ITGA8: variants seen among roughly 807,000 people sequenced by gnomAD.
ITGA8 encodes the protein integrin alpha-8.
Under a neutral mutation model 142.3 loss-of-function variants are expected in ITGA8, and 91 were observed. The observed-to-expected ratio is 0.64, with a 90% CI of 0.54 to 0.76. The LOEUF (loss-of-function observed/expected upper bound fraction) is 0.76. Among genes scored for constraint, ITGA8 ranks in the 30% least tolerant of loss-of-function variants. The pLI is 0.00. For synonymous variants in ITGA8, 505 were observed against 485.2 expected (o/e 1.04, Z -0.54); for missense variants, 1,406 against 1,327.7 (o/e 1.06, Z -0.92).
chr10:15,565,475 T>G (rs190320119), intron 25 of ITGA8, among the ~76,000 whole-genome samples: 2 of 151,628 alleles, frequency 1.3e-5, no homozygotes, highest in East Asian at 3.9e-4. Context: ...GGACATAAAT[T>G]ACGGTTCCTG....
chr10:15,544,018 G>A (rs1833623269), intron 27 of ITGA8, among the ~76,000 whole-genome samples: 1 of 152,222 alleles, frequency 6.6e-6, no homozygotes, highest in African/African-American at 2.4e-5. Flanking sequence ...GGAGGGGCCA[G>A]GCCTGGTGGT....
intron 25 of ITGA8, among the ~76,000 whole-genome samples, chr10:15,564,189 T>A (rs779272450): frequency 1.1e-4 from 17 of 152,180 alleles, no homozygotes; most frequent in South Asian, 4.1e-4. Context: ...AACACCATAG[T>A]CAAAAGATCT....
intron 2 of ITGA8, among the ~76,000 whole-genome samples, chr10:15,696,624 G>C (rs985124433): frequency 6.6e-6 from 1 of 152,054 alleles, no homozygotes; most frequent in Admixed American, 6.6e-5. Flanking sequence ...CTGAAGTTTG[G>C]AACAGCCATT....
intron 20 of ITGA8, among the ~76,000 whole-genome samples, chr10:15,603,153 G>C (rs1427919369): frequency 1.3e-5 from 2 of 151,716 alleles, no homozygotes; most frequent in East Asian, 3.9e-4. Flanking sequence ...TAAGAAGATC[G>C]TTCAACTAAA....
chr10:15,547,890 T>A (rs1055154294), intron 27 of ITGA8, among the ~76,000 whole-genome samples: 3 of 152,198 alleles, frequency 2.0e-5, no homozygotes, highest in Non-Finnish European at 4.4e-5. Context: ...ACTGGGTATA[T>A]AACAGTGGAC....
At chr10:15,609,370 A>T (rs1833252005) in intron 15 of ITGA8, among the ~76,000 whole-genome samples, 1 of 152,232 alleles carries the variant, frequency 6.6e-6, no homozygotes, top group Non-Finnish European at 1.5e-5. Flanking sequence ...TTTCTACAGA[A>T]TTCAAAGGGA....
At chr10:15,528,549 G>A (rs1462206823) in intron 28 of ITGA8, among the ~76,000 whole-genome samples, 2 of 145,668 alleles carry the variant, frequency 1.4e-5, no homozygotes, top group Non-Finnish European at 3.0e-5. Context: ...AGGGGTGGCA[G>A]GGCTGGGGAA....
At chr10:15,622,043 A>G (rs1459314936) in intron 13 of ITGA8, among the ~76,000 whole-genome samples, 5 of 152,182 alleles carry the variant, frequency 3.3e-5, no homozygotes, top group Admixed American at 6.5e-5. Flanking sequence ...CTGTAATCCC[A>G]GGTACTTGGG....
intron 13 of ITGA8, among the ~76,000 whole-genome samples, chr10:15,630,537 T>C (rs1833665669): frequency 6.6e-6 from 1 of 151,948 alleles, no homozygotes; most frequent in African/African-American, 2.4e-5. Flanking sequence ...AGATCATTGT[T>C]TTCAGGGGAA....
At position 15,606,311 on chromosome 10, in the gene ITGA8, A is replaced by G. The variant is rs745991898; in HGVS notation, c.1876T>C (p.Tyr626His). ...GLEVKPILNYYRENIVSEQAH... is the reference protein window; with the variant it reads ...GLEVKPILNYHRENIVSEQAH... ...TGTTCACTAACAATGTTTTCTCTGT[A>G]GTAGTTCAATATTGGTTTCACTTCC... Residue 626 changes from tyrosine (Y) to histidine (H), a missense_variant, in exon 18 of 30, where the codon TAC (tyrosine) becomes CAC (histidine). Transcript: ENST00000378076. 2.5e-5 allele frequency: 40 copies of G among 1,611,652 alleles called. No homozygotes were observed. Among genetic ancestry groups the G allele is most frequent in the Non-Finnish European group, 3.2e-5 (38 of 1,177,996 alleles).
At chr10:15,678,841 A>G in intron 4 of ITGA8, 58 bp from the exon 5 acceptor site, 1 of 1,096,062 alleles carries the variant, frequency 9.1e-7, no homozygotes, top group Middle Eastern at 2.1e-4. Flanking sequence ...ATATTTTTTA[A>G]TAACCAATTC....
intron 8 of ITGA8, among the ~76,000 whole-genome samples, chr10:15,669,153 C>G (rs1174936938): frequency 6.6e-6 from 1 of 152,210 alleles, no homozygotes; most frequent in Non-Finnish European, 1.5e-5. Context: ...CTTTCAGGCA[C>G]ACCAATCAGA....
Position 15,517,158 on chromosome 10 carries a change from TC to T in ITGA8, c.3191del (p.Ter1064TyrfsTer23). The T allele has an allele frequency of 6.2e-7, 1 of 1,609,510 alleles. No homozygotes were observed. Among genetic ancestry groups the T allele is most frequent in the South Asian group, 1.1e-5 (1 of 90,780 alleles). On this transcript the variant is annotated frameshift_variant and stop_lost, in exon 30 of 30. Transcript: ENST00000378076. LOFTEE classifies it high-confidence loss of function. Reference sequence around the variant, plus strand: ...TCTTTGGTCTTCTTTTTTTTTCTTGTCATGCCTCAGGGGTCTTGTCATTTGT... The same window carrying T: ...TCTTTGGTCTTCTTTTTTTTTCTTGTATGCCTCAGGGGTCTTGTCATTTGT... ...QLTNDKTPEA[*>X]
intron 26 of ITGA8, among the ~76,000 whole-genome samples, chr10:15,554,663 G>A (rs1316411888): frequency 1.3e-5 from 2 of 152,000 alleles, no homozygotes; most frequent in Non-Finnish European, 2.9e-5. Flanking sequence ...TAGTTGAAGG[G>A]TCAACTGATT....
Position 15,657,510 on chromosome 10 carries a change from A to ATTTTTTTT in ITGA8, c.948+1481_948+1488dup, listed in dbSNP as rs34510305. ...TGCTGGTTTCTTTTTCTTTTCTTTC[A>ATTTTTTTT]TTTTTTTTTTTTTTTTTTTTTAACA... On this transcript the variant is annotated intron_variant, in intron 10 of 29. Coordinates refer to ENST00000378076, the MANE Select transcript of ITGA8 (RefSeq NM_003638.3). Among the ~76,000 whole-genome samples the ATTTTTTTT allele has an allele frequency of 5.7e-3, 761 of 132,412 alleles. 16 individuals are homozygous for ATTTTTTTT. Among genetic ancestry groups the ATTTTTTTT allele is most frequent in the African/African-American group, 0.021 (733 of 35,108 alleles). The allele number at this position is 132,412 out of a possible 152,430, so 86.9% of individuals were successfully genotyped here.
chr10:15,614,399 T>C (rs570977144), intron 14 of ITGA8, among the ~76,000 whole-genome samples: 137 of 152,258 alleles, frequency 9.0e-4, no homozygotes, highest in African/African-American at 3.2e-3. Context: ...ACAAATTCTA[T>C]GCCCAGGCCC....
In ITGA8 at chr10:15,592,265, T is replaced by G. The variant is rs750290406; in HGVS notation, c.2251A>C (p.Lys751Gln). 6.2e-7 allele frequency: 1 copy of G among 1,613,908 alleles called. No homozygotes were observed. Among genetic ancestry groups the G allele is most frequent in the South Asian group, 1.1e-5 (1 of 91,064 alleles). ...TCGAAGTTAATGCTCATGTTTGTTT[T>G]CTCAAGACGTGGAACTGCAAATCGG... is the stretch of plus-strand genomic sequence containing the variant. ...GLRFAVPRLEKTNMSINFDLQ... is the reference protein window; with the variant it reads ...GLRFAVPRLEQTNMSINFDLQ... Residue 751 changes from lysine to glutamine, a missense_variant, in exon 22 of 30, where the codon AAA becomes CAA. Physicochemically the swap from Lys to Gln is moderately conservative, Grantham distance 53. Transcript: ENST00000378076.
intron 26 of ITGA8, among the ~76,000 whole-genome samples, chr10:15,548,858 G>T (rs566653241): frequency 1.3e-5 from 2 of 152,300 alleles, no homozygotes; most frequent in South Asian, 4.1e-4. Context: ...ACTGGGGAAG[G>T]CATTGCTTAT....
At chr10:15,718,724 C>G (rs748176227) in intron 2 of ITGA8, 42 bp downstream of exon 2, 1 of 1,607,422 alleles carries the variant, frequency 6.2e-7, no homozygotes, top group Non-Finnish European at 8.5e-7. Context: ...CCTGGTTCTT[C>G]CAAACCCAGG....
Sources: allele counts gnomAD v4.1 joint callset (sites outside exome capture counted in the v4.1 genomes callset), GRCh38; gene constraint gnomAD v4.1.1; transcripts MANE v1.5; gene names NCBI Gene and HGNC (gene_info 2026-07-23, HGNC 2026-07-21).